The following LRRK1 variants were observed in gnomAD, a reference collection of about 807,000 sequenced individuals.
LRRK1 encodes the protein leucine rich repeat kinase 1.
Under a neutral mutation model 209.1 loss-of-function variants are expected in LRRK1, and 113 were observed. That is an observed-to-expected ratio of 0.54 (90% CI 0.46 to 0.63). The LOEUF is 0.63. Ranked by LOEUF, LRRK1 falls within the 30% of genes least tolerant of loss-of-function variation. LRRK1 has a pLI of 0.00. For missense variants in LRRK1, 2,284 were observed against 2,632.2 expected, an observed-to-expected ratio of 0.87 and a Z score of 2.89; for synonymous variants, 1,144 against 1,099.7, an observed-to-expected ratio of 1.04 and a Z score of -0.80.
intron 28 of LRRK1, among the ~76,000 whole-genome samples, chr15:101,057,276 T>C (rs1002450807): frequency 6.6e-6 from 1 of 152,172 alleles, no homozygotes; most frequent in Admixed American, 6.5e-5. Flanking sequence ...CCCCGACTTT[T>C]GTGTTACTTC....
intron 2 of LRRK1, among the ~76,000 whole-genome samples, chr15:100,949,638 C>G (rs1377649236): frequency 6.6e-6 from 1 of 152,060 alleles, no homozygotes; most frequent in Non-Finnish European, 1.5e-5. Flanking sequence ...CACTAGCAAA[C>G]CGAATTTAGT....
intron 2 of LRRK1, among the ~76,000 whole-genome samples, chr15:100,964,012 C>T (rs964278474): frequency 6.6e-6 from 1 of 152,116 alleles, no homozygotes; most frequent in Non-Finnish European, 1.5e-5. Context: ...ACAAAAATTC[C>T]TAGTGATTTG....
At chr15:100,930,477 G>T (rs1256180935) in intron 2 of LRRK1, among the ~76,000 whole-genome samples, 1 of 152,146 alleles carries the variant, frequency 6.6e-6, no homozygotes, top group African/African-American at 2.4e-5. Context: ...GGTGGCCCAA[G>T]CCTGAATGTG....
In LRRK1 at chr15:100,983,714, A is replaced by T. The variant is rs375298208; in HGVS notation, c.433+15A>T. The T allele has an allele frequency of 4.5e-5, 73 of 1,610,568 alleles. 1 individual carries two copies. The highest frequency in any genetic ancestry group is 2.9e-4 in the East Asian group (13 of 44,840). On this transcript the variant is annotated intron_variant, in intron 4 of 33. Transcript: ENST00000388948. ...GTCCTTACCAGGTAAATCACAGGGC[A>T]TGAGCTCTTAACCGTGTCTCAGGGC...
chr15:100,994,931 A>G (rs1423093804), intron 6 of LRRK1, among the ~76,000 whole-genome samples: 1 of 152,188 alleles, frequency 6.6e-6, no homozygotes, highest in Admixed American at 6.5e-5. Flanking sequence ...CCAGGTATCC[A>G]GTGGGATTAA....
At position 101,055,198 on chromosome 15, in the gene LRRK1, G is replaced by A; in HGVS notation, c.4307G>A (p.Arg1436Lys). ...CCTGGCTACCAGGCCCCAGAGATCA[G>A]GCCTCGCATTGTATATGATGAGAAG... ...GTPGYQAPEIRPRIVYDEKVD... is the reference protein window; with the variant it reads ...GTPGYQAPEIKPRIVYDEKVD... The change falls in exon 27 of 34, where the codon AGG (arginine) becomes AAG (lysine). Residue 1436 changes from arginine to lysine, a missense_variant. By Grantham distance (26) the Arg-to-Lys change is conservative (BLOSUM62 2). Around this residue, in one of 6 missense-constraint regions of LRRK1, gnomAD observed 59 missense variants for 103.8 expected, o/e 0.57. Transcript: ENST00000388948. 10 of 1,593,748 alleles carry A rather than the reference G, an allele frequency of 6.3e-6. No individual in the cohort carries two copies. Among genetic ancestry groups the A allele is most frequent in the Non-Finnish European group, 8.5e-6 (10 of 1,170,400 alleles).
At chr15:100,990,005 G>A (rs2032074691) in intron 6 of LRRK1, among the ~76,000 whole-genome samples, 2 of 152,124 alleles carry the variant, frequency 1.3e-5, no homozygotes, top group East Asian at 1.9e-4. Context: ...AATTGAGAGT[G>A]GTAATCAAAA....
intron 4 of LRRK1, among the ~76,000 whole-genome samples, chr15:100,988,286 T>TC (rs1308830443): frequency 9.2e-6 from 1 of 108,610 alleles, no homozygotes; most frequent in East Asian, 2.8e-4. Context: ...TTTTTAACCT[T>TC]CCCCCTTTTC....
intron 4 of LRRK1, chr15:100,983,957 A>C: frequency 3.6e-6 from 2 of 549,276 alleles, no homozygotes; most frequent in Non-Finnish European, 3.4e-6. Context: ...AAAATAATTA[A>C]TAGACCTTGG....
rs200111263 is a variant in LRRK1 at position 101,049,660 on chromosome 15, G to C, written c.3316G>C (p.Val1106Leu). 6.2e-7 allele frequency: 1 copy of C among 1,614,002 alleles called. No individual in the cohort carries two copies. Among genetic ancestry groups the C allele is most frequent in the Non-Finnish European group, 8.5e-7 (1 of 1,179,936 alleles). Residue 1106 changes from valine to leucine, a missense_variant, in exon 23 of 34, where the codon GTG becomes CTG. This residue lies in a region of LRRK1 where 780 missense variants were observed against 985.2 expected (regional missense o/e 0.79). Transcript: ENST00000388948. ...GGYLSVESSD[V>L]NWKKKKSGGM... ...GGATTGCAGTGTGGAATCTTCCGACGTGAACTGGAAAAAGAAGAAAAGCGG... is the reference window on the plus strand; with the variant it reads ...GGATTGCAGTGTGGAATCTTCCGACCTGAACTGGAAAAAGAAGAAAAGCGG...
At chr15:101,034,209 T>A (rs927942894) in intron 20 of LRRK1, among the ~76,000 whole-genome samples, 1 of 152,224 alleles carries the variant, frequency 6.6e-6, no homozygotes, top group Non-Finnish European at 1.5e-5. Context: ...TCAACAGGTC[T>A]CTTCACTCTG....
intron 3 of LRRK1, among the ~76,000 whole-genome samples, chr15:100,977,489 T>C (rs1441696686): frequency 6.6e-6 from 1 of 152,118 alleles, no homozygotes; most frequent in African/African-American, 2.4e-5. Flanking sequence ...CCCATCACCA[T>C]CAGTGGACAG....
intron 21 of LRRK1, among the ~76,000 whole-genome samples, chr15:101,047,979 CTT>C: frequency 6.6e-6 from 1 of 151,968 alleles, no homozygotes; most frequent in East Asian, 1.9e-4. Context: ...GAATATTAAA[CTT>C]TAGAAAAATG....
At chr15:101,010,926 C>A in intron 9 of LRRK1, 89 bp downstream of exon 9, 4 of 1,253,142 alleles carry the variant, frequency 3.2e-6, no homozygotes, top group Non-Finnish European at 4.4e-6. Flanking sequence ...TATGTCAGTT[C>A]ATCCCCTCAG....
chr15:100,950,084 CA>C (rs1323340934), intron 2 of LRRK1, among the ~76,000 whole-genome samples: 1 of 152,200 alleles, frequency 6.6e-6, no homozygotes, highest in Non-Finnish European at 1.5e-5. Context: ...CCGGTGACAT[CA>C]TACTGTACGT....
chr15:100,922,717 T>A (rs1290200768), intron 1 of LRRK1, among the ~76,000 whole-genome samples: 1 of 152,236 alleles, frequency 6.6e-6, no homozygotes, highest in Non-Finnish European at 1.5e-5. Flanking sequence ...AAGGCTTTCA[T>A]CATCCCCTAA....
chr15:100,932,051 C>T (rs927990111), intron 2 of LRRK1, among the ~76,000 whole-genome samples: 1 of 152,058 alleles, frequency 6.6e-6, no homozygotes, highest in African/African-American at 2.4e-5. Context: ...AATGGCGCAA[C>T]CTCGGCTCAC....
rs2036397065 is a variant in LRRK1, at chr15:101,064,413, C to G, written c.4915-939C>G. ...TCTGCAGACCTCTTCCCACCCCCAC[C>G]ACAGCCGACGCGGTGTCTAGGCTGC... is the stretch of plus-strand genomic sequence containing the variant. On this transcript the variant is annotated intron_variant, in intron 31 of 33. Coordinates refer to ENST00000388948, the MANE Select transcript of LRRK1 (RefSeq NM_024652.6). The G allele has an allele frequency of 2.6e-5, 4 of 153,214 alleles. No individual in the cohort carries two copies. In the Admixed American group the frequency reaches 2.6e-4, roughly 10 times the overall value. The allele number at this position is 153,214 out of a possible 1,614,324, so 9.5% of individuals were successfully genotyped here.
chr15:101,015,487 T>G, intron 12 of LRRK1, 85 bp downstream of exon 12: 1 of 995,266 alleles, frequency 1.0e-6, no homozygotes, highest in Non-Finnish European at 1.5e-6. Context: ...GGATCGCCCT[T>G]ATCTTGGGCC....
Sources: gnomAD v4.1 joint callset for allele counts (sites outside exome capture counted in the v4.1 genomes callset) on GRCh38, gnomAD v4.1.1 for gene constraint, gnomAD v4.1.1 regional missense constraint, MANE v1.5 for transcripts, NCBI Gene and HGNC (gene_info 2026-07-23, HGNC 2026-07-21) for gene names.